Variants in SH3KBP1 observed in about 807,000 individuals in gnomAD.
SH3KBP1 encodes SH3 domain containing kinase binding protein 1, also known as SH3 domain-containing kinase-binding protein 1.
In SH3KBP1, 8 loss-of-function variants were observed where a neutral mutation model predicts 50.1. That is an observed-to-expected ratio of 0.16 (90% CI 0.09 to 0.29). SH3KBP1 has a LOEUF of 0.29. SH3KBP1 is among the 10% of genes least tolerant of loss of function. The pLI, the probability that SH3KBP1 is intolerant of heterozygous loss-of-function variation, is 1.00. For synonymous variants in SH3KBP1, 227 were observed against 218.6 expected, an observed-to-expected ratio of 1.04 and a Z score of -0.34; for missense variants, 377 against 535.2, an observed-to-expected ratio of 0.70 and a Z score of 2.92.
intron 3 of SH3KBP1, among the ~76,000 whole-genome samples, chrX:19,738,694 C>CAA (rs1193680181): frequency 2.2e-3 from 82 of 37,099 alleles, no homozygotes; most frequent in African/African-American, 2.9e-3. Flanking sequence ...GTCAGCAATG[C>CAA]AAAAAAAAAA....
chrX:19,712,974 AGCACTTTGGGAG>A (rs2063814798), intron 3 of SH3KBP1, among the ~76,000 whole-genome samples: 2 of 111,814 alleles, frequency 1.8e-5, no homozygotes, highest in Admixed American at 1.9e-4. Flanking sequence ...CTGTAATCCC[AGCACTTTGGGAG>A]GCTGAGGCAG....
intron 17 of SH3KBP1, 85 bp downstream of exon 17, chrX:19,537,632 C>A: frequency 1.3e-6 from 1 of 777,638 alleles, no homozygotes; most frequent in South Asian, 2.2e-5. Flanking sequence ...AGGTGACAAT[C>A]ATTTATTTTT....
chrX:19,828,091 T>C (rs775720695), intron 2 of SH3KBP1, among the ~76,000 whole-genome samples: 9 of 111,298 alleles, frequency 8.1e-5, no homozygotes, highest in African/African-American at 2.0e-4. Context: ...TTTACAATCC[T>C]ATAAAAGTCA....
At position 19,872,607 on chromosome X, in the gene SH3KBP1, T is replaced by TA. The variant is rs762684196; in HGVS notation, c.4+14699dup. On this transcript the variant is annotated intron_variant, in intron 1 of 17. Transcript: ENST00000397821. ...TAACACGGTGAAACCTCATCTCTGC[T>TA]AAAAAAAAAATACAAAAAATTAGCT... Among the ~76,000 whole-genome samples the TA allele has an allele frequency of 4.8e-3, 503 of 104,956 alleles. 4 individuals carry two copies. Among genetic ancestry groups the TA allele is most frequent in the African/African-American group, 0.013 (365 of 28,806 alleles). 91.1% of individuals were successfully genotyped at this position (104,956 alleles called of 115,157 possible).
At chrX:19,709,964 T>C (rs774496770) in intron 3 of SH3KBP1, among the ~76,000 whole-genome samples, 1 of 110,941 alleles carries the variant, frequency 9.0e-6, no homozygotes, top group Non-Finnish European at 1.9e-5. Flanking sequence ...TCACATAAAC[T>C]AAAGGAAAAA....
intron 6 of SH3KBP1, among the ~76,000 whole-genome samples, chrX:19,653,653 G>C (rs1322256528): frequency 9.1e-6 from 1 of 110,046 alleles, no homozygotes; most frequent in Non-Finnish European, 1.9e-5. Flanking sequence ...GGAGGTTGCA[G>C]TGAGCCAAGA....
At chrX:19,611,038 C>T (rs768030605) in intron 8 of SH3KBP1, among the ~76,000 whole-genome samples, 21 of 110,415 alleles carry the variant, frequency 1.9e-4, no homozygotes, top group Non-Finnish European at 3.0e-4. Context: ...GCACATGCCA[C>T]CATGCCTGGC....
At chrX:19,656,948 C>T (rs1299896868) in intron 6 of SH3KBP1, among the ~76,000 whole-genome samples, 1 of 111,754 alleles carries the variant, frequency 8.9e-6, no homozygotes, top group Non-Finnish European at 1.9e-5. Flanking sequence ...GAGCTGAAGA[C>T]AAAAATGGGA....
intron 13 of SH3KBP1, among the ~76,000 whole-genome samples, chrX:19,559,274 C>CAAAAAA (rs369794445): frequency 7.0e-4 from 6 of 8,610 alleles, no homozygotes; most frequent in African/African-American, 1.0e-3. Context: ...TCTGTCTCAC[C>CAAAAAA]AAAAAAAAAA....
At chrX:19,838,747 C>T (rs2068128322) in intron 1 of SH3KBP1, among the ~76,000 whole-genome samples, 1 of 109,642 alleles carries the variant, frequency 9.1e-6, no homozygotes, top group South Asian at 3.9e-4. Context: ...ATTAGCTGGG[C>T]TTGGTGGTGG....
rs768896125 is a variant in SH3KBP1 at position 19,788,864 on chromosome X, G to A, written c.163-42423C>T. 2.7e-5 allele frequency among the ~76,000 whole-genome samples: 3 copies of A among 112,506 alleles called. No individual in the cohort carries two copies. The South Asian group carries it at 1.1e-3, about 41-fold the overall frequency. On this transcript the variant is annotated intron_variant, in intron 2 of 17. Transcript: ENST00000397821. ...AAAGAGGCCAGGCACGGTGGCTCAC[G>A]CCTGTAATCCCAGCACTTTGGGAGG...
intron 1 of SH3KBP1, among the ~76,000 whole-genome samples, chrX:19,838,714 C>A (rs1341145938): frequency 9.1e-6 from 1 of 109,853 alleles, no homozygotes; most frequent in Non-Finnish European, 1.9e-5. Flanking sequence ...TGATGAAGCC[C>A]TGTCTCTACT....
At chrX:19,804,221 G>A (rs2066967293) in intron 2 of SH3KBP1, among the ~76,000 whole-genome samples, 1 of 111,386 alleles carries the variant, frequency 9.0e-6, no homozygotes, top group Admixed American at 9.5e-5. Flanking sequence ...GCGTAGGAAA[G>A]AGCTGAAATA....
intron 14 of SH3KBP1, among the ~76,000 whole-genome samples, 157 bp from the exon 15 acceptor site, chrX:19,546,207 G>A (rs1213068595): frequency 1.8e-5 from 2 of 112,355 alleles, no homozygotes; most frequent in Non-Finnish European, 3.8e-5. Context: ...TTATGCACGC[G>A]CTCAAGTCAC....
intron 2 of SH3KBP1, among the ~76,000 whole-genome samples, chrX:19,793,365 G>A: frequency 9.2e-6 from 1 of 108,209 alleles, no homozygotes; most frequent in Non-Finnish European, 1.9e-5. Context: ...GTGCTAAAGT[G>A]GGAATGCACT....
In SH3KBP1 at chrX:19,751,026, T is replaced by C. The variant is rs140630864; in HGVS notation, c.163-4585A>G. On this transcript the variant is annotated intron_variant, in intron 2 of 17. Coordinates refer to ENST00000397821, the MANE Select transcript of SH3KBP1 (RefSeq NM_031892.3). ...TCCTAAGAAGAACCAGTGGCATGAC[T>C]ATAGGAGGGAGACTCAAAACCACTC... Among the ~76,000 whole-genome samples, 8 of 111,477 alleles carry C rather than the reference T, an allele frequency of 7.2e-5. No individual in the cohort carries two copies. The East Asian group carries it at 2.0e-3, about 28-fold the overall frequency.
intron 6 of SH3KBP1, among the ~76,000 whole-genome samples, chrX:19,657,296 G>A (rs1224833015): frequency 5.6e-5 from 6 of 107,992 alleles, no homozygotes; most frequent in African/African-American, 1.0e-4. Flanking sequence ...CGGGAAGATC[G>A]CTTGAGCCAG....
chrX:19,677,409 T>C (rs1161571678), intron 6 of SH3KBP1, among the ~76,000 whole-genome samples: 1 of 111,459 alleles, frequency 9.0e-6, no homozygotes, highest in Admixed American at 9.5e-5. Context: ...GAGAATACAG[T>C]CTCGTCTGGG....
intron 2 of SH3KBP1, among the ~76,000 whole-genome samples, chrX:19,760,041 C>CTCCCTCT (rs1472663912): frequency 2.0e-5 from 1 of 50,459 alleles, no homozygotes; most frequent in Non-Finnish European, 3.6e-5. Context: ...TCTCTCTCTC[C>CTCCCTCT]CTCTCTCTCT....
Sources: gnomAD v4.1 joint callset for allele counts (sites outside exome capture counted in the v4.1 genomes callset) on GRCh38, gnomAD v4.1.1 for gene constraint, MANE v1.5 for transcripts, NCBI Gene and HGNC (gene_info 2026-07-23, HGNC 2026-07-21) for gene names.